Variants in GALNTL6 observed in about 807,000 individuals in gnomAD.
The protein encoded by GALNTL6 is polypeptide N-acetylgalactosaminyltransferase like 6, also known as polypeptide N-acetylgalactosaminyltransferase-like 6.
GALNTL6 carries 46 observed loss-of-function variants against 73.7 expected under a neutral mutation model. That is an observed-to-expected ratio of 0.62 (90% CI 0.49 to 0.80). The LOEUF is 0.80. Ranked by LOEUF, GALNTL6 falls within the 30% of genes least tolerant of loss-of-function variation. The pLI, the probability that GALNTL6 is intolerant of heterozygous loss-of-function variation, is 0.00. For synonymous variants in GALNTL6, 259 were observed against 263.7 expected (o/e 0.98, Z 0.17); for missense variants, 604 against 755.0 (o/e 0.80, Z 2.34).
chr4:172,242,746 A>G (rs2110996304), intron 3 of GALNTL6, among the ~76,000 whole-genome samples: 1 of 148,350 alleles, frequency 6.7e-6, no homozygotes, highest in African/African-American at 2.5e-5. Flanking sequence ...GCCAAATACT[A>G]TAGCTCTGGA....
At chr4:172,701,374 G>C (rs1159584780) in intron 5 of GALNTL6, among the ~76,000 whole-genome samples, 5 of 152,080 alleles carry the variant, frequency 3.3e-5, no homozygotes, top group Non-Finnish European at 7.4e-5. Context: ...TTGAAGAAAG[G>C]AACTTAATTT....
intron 9 of GALNTL6, among the ~76,000 whole-genome samples, chr4:172,950,362 A>G (rs550961421): frequency 6.6e-6 from 1 of 152,262 alleles, no homozygotes; most frequent in African/African-American, 2.4e-5. Context: ...CTATCTTCCT[A>G]TCTATGCACC....
At chr4:172,634,727 A>G (rs1451868307) in intron 5 of GALNTL6, among the ~76,000 whole-genome samples, 2 of 152,216 alleles carry the variant, frequency 1.3e-5, no homozygotes, top group Non-Finnish European at 2.9e-5. Flanking sequence ...TTCAACATTT[A>G]TTGAATCCTG....
chr4:172,246,381 G>T (rs1400664562), intron 3 of GALNTL6, among the ~76,000 whole-genome samples: 1 of 152,080 alleles, frequency 6.6e-6, no homozygotes, highest in Non-Finnish European at 1.5e-5. Flanking sequence ...TTTATGCATA[G>T]AATTTTTTTG....
intron 5 of GALNTL6, among the ~76,000 whole-genome samples, chr4:172,630,489 A>G (rs844382): frequency 1 from 151,983 of 152,150 alleles, 75,909 homozygotes; most frequent in Non-Finnish European, 1. Flanking sequence ...CTGCATCTCT[A>G]CCAATCACAT....
At chr4:172,859,179 G>A (rs1744268532) in intron 7 of GALNTL6, among the ~76,000 whole-genome samples, 2 of 152,096 alleles carry the variant, frequency 1.3e-5, no homozygotes, top group Admixed American at 1.3e-4. Context: ...GACAAGATAT[G>A]GCAGAGCTCC....
chr4:171,917,181 T>C (rs192473384), intron 2 of GALNTL6, among the ~76,000 whole-genome samples: 3 of 152,156 alleles, frequency 2.0e-5, no homozygotes, highest in Admixed American at 1.3e-4. Context: ...TGCAAATTCG[T>C]CAGATATTAA....
chr4:173,019,512 G>A (rs911028376), intron 11 of GALNTL6, among the ~76,000 whole-genome samples: 2 of 152,174 alleles, frequency 1.3e-5, no homozygotes, highest in African/African-American at 4.8e-5. Flanking sequence ...CTGAATAGAA[G>A]AGAGTGATCA....
intron 3 of GALNTL6, among the ~76,000 whole-genome samples, chr4:172,289,583 T>C (rs1739389513): frequency 6.6e-6 from 1 of 152,244 alleles, no homozygotes; most frequent in Non-Finnish European, 1.5e-5. Context: ...AAACCTACTC[T>C]TTTGACATTC....
chr4:172,020,335 TGAA>T (rs1316887562), intron 2 of GALNTL6, among the ~76,000 whole-genome samples: 3 of 146,770 alleles, frequency 2.0e-5, no homozygotes, highest in Admixed American at 6.8e-5. Flanking sequence ...AAAATTGAAA[TGAA>T]GAAAATAATA....
chr4:172,653,807 C>T (rs186732701), intron 5 of GALNTL6, among the ~76,000 whole-genome samples: 1 of 152,288 alleles, frequency 6.6e-6, no homozygotes, highest in Admixed American at 6.5e-5. Context: ...TTTCTGACTC[C>T]TTGTTTTCTC....
intron 2 of GALNTL6, among the ~76,000 whole-genome samples, chr4:172,069,563 TAACAC>T (rs1731476854): frequency 1.2e-5 from 1 of 81,096 alleles, no homozygotes; most frequent in African/African-American, 4.5e-5. Context: ...ATGTTATATA[TAACAC>T]ATATATGTTA....
chr4:172,392,189 A>G (rs1194850294), intron 5 of GALNTL6, among the ~76,000 whole-genome samples: 1 of 152,028 alleles, frequency 6.6e-6, no homozygotes, highest in Non-Finnish European at 1.5e-5. Flanking sequence ...GGGTGTCACC[A>G]TATTGGTCAG....
chr4:172,498,098 C>A (rs1734131887), intron 5 of GALNTL6, among the ~76,000 whole-genome samples: 1 of 150,638 alleles, frequency 6.6e-6, no homozygotes, highest in Non-Finnish European at 1.5e-5. Flanking sequence ...TCCAGCGACT[C>A]TCCTGCCTCA....
chr4:172,782,592 TC>T (rs1361251409), intron 5 of GALNTL6, among the ~76,000 whole-genome samples: 3 of 151,984 alleles, frequency 2.0e-5, no homozygotes, highest in Non-Finnish European at 4.4e-5. Flanking sequence ...TGAATCTATC[TC>T]CCCCAACCCC....
At chr4:172,743,766 C>T (rs965470879) in intron 5 of GALNTL6, among the ~76,000 whole-genome samples, 2 of 152,054 alleles carry the variant, frequency 1.3e-5, no homozygotes, top group African/African-American at 4.8e-5. Context: ...TCCTTACAAA[C>T]TTATATTTAA....
At chr4:172,725,011 C>G (rs1348254518) in intron 5 of GALNTL6, among the ~76,000 whole-genome samples, 2 of 152,096 alleles carry the variant, frequency 1.3e-5, no homozygotes, top group Non-Finnish European at 2.9e-5. Flanking sequence ...TTCGTCTCCC[C>G]CAACAGCCAA....
At chr4:171,968,728 C>T (rs1579016464) in intron 2 of GALNTL6, among the ~76,000 whole-genome samples, 1 of 152,024 alleles carries the variant, frequency 6.6e-6, no homozygotes, top group East Asian at 1.9e-4. Context: ...TTTGTTTATC[C>T]ACCTTCCTGT....
chr4:172,696,076 T>TG (rs1440420246), intron 5 of GALNTL6, among the ~76,000 whole-genome samples: 48 of 152,352 alleles, frequency 3.2e-4, no homozygotes, highest in African/African-American at 1.0e-3. Flanking sequence ...TGTTGCTCCT[T>TG]GGTCAATGAT....
Sources: gnomAD v4.1 joint callset for allele counts (sites outside exome capture counted in the v4.1 genomes callset) on GRCh38, gnomAD v4.1.1 for gene constraint, MANE v1.5 for transcripts, NCBI Gene and HGNC (gene_info 2026-07-23, HGNC 2026-07-21) for gene names.